TMEM132D: variants seen among roughly 807,000 people sequenced by gnomAD.
The protein encoded by TMEM132D is transmembrane protein 132D, also known as mature OL transmembrane protein.
Under a neutral mutation model 62.3 loss-of-function variants are expected in TMEM132D, and 21 were observed. The ratio of observed to expected loss-of-function variants is 0.34; its 90% CI spans 0.24 to 0.49. The LOEUF (loss-of-function observed/expected upper bound fraction) is 0.49. Among genes scored for constraint, TMEM132D ranks in the 20% least tolerant of loss-of-function variants. The pLI, the probability that TMEM132D is intolerant of heterozygous loss-of-function variation, is 0.99. For synonymous variants in TMEM132D, 621 were observed against 575.6 expected, an observed-to-expected ratio of 1.08 and a Z score of -1.13; for missense variants, 1,346 against 1,402.8, an observed-to-expected ratio of 0.96 and a Z score of 0.65.
chr12:129,295,200 C>T (rs992057495), intron 4 of TMEM132D, among the ~76,000 whole-genome samples: 1 of 151,368 alleles, frequency 6.6e-6, no homozygotes, highest in Non-Finnish European at 1.5e-5. Flanking sequence ...CTACGGAACA[C>T]TGCTGGCTAG....
intron 5 of TMEM132D, among the ~76,000 whole-genome samples, chr12:129,183,615 C>A (rs963162232): frequency 3.3e-5 from 5 of 152,220 alleles, no homozygotes; most frequent in Non-Finnish European, 5.9e-5. Context: ...GCATTTGTTG[C>A]GGCTACCTAA....
rs188506893 is a variant in TMEM132D, at chr12:129,740,513, G to C, written c.80-39815C>G. Among the ~76,000 whole-genome samples, 5 of 152,312 alleles carry C rather than the reference G, an allele frequency of 3.3e-5. No homozygotes were observed. In the East Asian group the frequency reaches 7.7e-4, roughly 23 times the overall value. ...TTCTTCTCTCATGATACACATCCAT[G>C]TCTATCTGACTAGCTGTGGAAATTT... On this transcript the variant is annotated intron_variant, in intron 1 of 8. Coordinates refer to ENST00000422113, the MANE Select transcript of TMEM132D (RefSeq NM_133448.3).
At chr12:129,429,109 C>G (rs35077329) in intron 3 of TMEM132D, among the ~76,000 whole-genome samples, 22,826 of 88,410 alleles carry the variant, frequency 0.26, 2,979 homozygotes, top group East Asian at 0.48. Context: ...CAAAGTCCTT[C>G]AAGTTACTCA....
At chr12:129,254,770 C>T (rs148665662) in intron 4 of TMEM132D, among the ~76,000 whole-genome samples, 9 of 152,264 alleles carry the variant, frequency 5.9e-5, no homozygotes, top group Non-Finnish European at 8.8e-5. Flanking sequence ...TAGCCTCATC[C>T]TCTTCTGATT....
chr12:129,574,215 A>G (rs1877595270), intron 2 of TMEM132D, among the ~76,000 whole-genome samples: 1 of 151,994 alleles, frequency 6.6e-6, no homozygotes, highest in Admixed American at 6.5e-5. Flanking sequence ...TGCAAGAAGG[A>G]TGAACAGATT....
intron 3 of TMEM132D, among the ~76,000 whole-genome samples, chr12:129,362,549 T>G (rs1005668220): frequency 5.3e-5 from 8 of 152,100 alleles, no homozygotes; most frequent in Admixed American, 2.0e-4. Context: ...CATATTCGCC[T>G]GGAAATGAAG....
intron 1 of TMEM132D, among the ~76,000 whole-genome samples, chr12:129,732,290 A>G (rs1869275918): frequency 6.6e-6 from 1 of 152,178 alleles, no homozygotes. Flanking sequence ...TCTGGGTGAT[A>G]GGAGTGTCTT....
chr12:129,546,949 A>C (rs1235573010), intron 2 of TMEM132D, among the ~76,000 whole-genome samples: 1 of 152,228 alleles, frequency 6.6e-6, no homozygotes, highest in Non-Finnish European at 1.5e-5. Context: ...GGATTCATAC[A>C]GGTTATGTTA....
chr12:129,516,433 T>A (rs1056601633), intron 3 of TMEM132D, among the ~76,000 whole-genome samples: 1 of 152,188 alleles, frequency 6.6e-6, no homozygotes, highest in African/African-American at 2.4e-5. Context: ...TCCACGTGGC[T>A]GGGGAGGCCT....
chr12:129,826,258 T>C (rs1205866058), intron 1 of TMEM132D, among the ~76,000 whole-genome samples: 1 of 152,128 alleles, frequency 6.6e-6, no homozygotes, highest in African/African-American at 2.4e-5. Context: ...GTGACCCTCC[T>C]AAGAGGGGCC....
chr12:129,093,558 T>A (rs1216535181), intron 5 of TMEM132D, among the ~76,000 whole-genome samples: 1 of 152,146 alleles, frequency 6.6e-6, no homozygotes, highest in Non-Finnish European at 1.5e-5. Flanking sequence ...TGGAAGAACA[T>A]CCCATGCTCA....
intron 2 of TMEM132D, among the ~76,000 whole-genome samples, chr12:129,547,402 C>T (rs1876767600): frequency 6.6e-6 from 1 of 152,112 alleles, no homozygotes; most frequent in Non-Finnish European, 1.5e-5. Context: ...CGGTGCCTGG[C>T]CACGTGGCTT....
intron 5 of TMEM132D, among the ~76,000 whole-genome samples, chr12:129,106,479 A>T (rs1427209145): frequency 6.6e-6 from 1 of 152,242 alleles, no homozygotes; most frequent in Non-Finnish European, 1.5e-5. Flanking sequence ...AAGTTAAAAA[A>T]TAAAAAAATA....
chr12:129,808,975 A>G (rs1434434594), intron 1 of TMEM132D, among the ~76,000 whole-genome samples: 1 of 152,236 alleles, frequency 6.6e-6, no homozygotes, highest in African/African-American at 2.4e-5. Flanking sequence ...GTTATTTTAA[A>G]AGAATAAGGA....
intron 1 of TMEM132D, among the ~76,000 whole-genome samples, chr12:129,825,191 T>G (rs1290488844): frequency 6.6e-6 from 1 of 151,900 alleles, no homozygotes; most frequent in Non-Finnish European, 1.5e-5. Context: ...GTATTTTTTT[T>G]TTTTTTAGTA....
intron 1 of TMEM132D, among the ~76,000 whole-genome samples, chr12:129,744,959 C>T (rs1869729257): frequency 6.6e-6 from 1 of 152,094 alleles, no homozygotes; most frequent in African/African-American, 2.4e-5. Context: ...GGGCGGTTTC[C>T]CCCATGCTGT....
At chr12:129,082,093 G>A (rs2135617087) in intron 6 of TMEM132D, 61 bp from the exon 7 acceptor site, 1 of 1,536,164 alleles carries the variant, frequency 6.5e-7, no homozygotes. Context: ...AAGGGGCCGT[G>A]TGTGGAGCCT....
chr12:129,676,874 T>TCACTCACCCACACATCCATCC (rs1443698508), intron 2 of TMEM132D, among the ~76,000 whole-genome samples: 1 of 152,172 alleles, frequency 6.6e-6, no homozygotes, highest in Non-Finnish European at 1.5e-5. Flanking sequence ...TCCATCCATC[T>TCACTCACCCACACATCCATCC]ACTCACTCAC....
chr12:129,227,220 G>A (rs1204555361), intron 4 of TMEM132D, among the ~76,000 whole-genome samples: 1 of 145,760 alleles, frequency 6.9e-6, no homozygotes, highest in South Asian at 2.2e-4. Flanking sequence ...TATGTTAACT[G>A]CTACAGAAGA....
Sources: gnomAD v4.1 joint callset for allele counts (sites outside exome capture counted in the v4.1 genomes callset) on GRCh38, gnomAD v4.1.1 for gene constraint, MANE v1.5 for transcripts, NCBI Gene and HGNC (gene_info 2026-07-23, HGNC 2026-07-21) for gene names.